MAD1L1: variants seen among roughly 807,000 people sequenced by gnomAD.
The protein encoded by MAD1L1 is mitotic spindle assembly checkpoint protein MAD1.
Under a neutral mutation model 96.9 loss-of-function variants are expected in MAD1L1, and 95 were observed. The observed-to-expected ratio is 0.98, with a 90% CI of 0.83 to 1.16. The LOEUF is 1.16. Among genes scored for constraint, MAD1L1 ranks in the 50% most tolerant of loss-of-function variants. The pLI is 0.00. For synonymous variants in MAD1L1, 473 were observed against 396.6 expected (o/e 1.19, Z -2.29); for missense variants, 1,007 against 954.4 (o/e 1.06, Z -0.73).
At chr7:2,140,645 G>A (rs546861869) in intron 11 of MAD1L1, among the ~76,000 whole-genome samples, 7 of 152,202 alleles carry the variant, frequency 4.6e-5, no homozygotes, top group Non-Finnish European at 8.8e-5. Context: ...CCAGGCCCCC[G>A]CCAGGAGAAA....
At chr7:1,960,508 G>A (rs1779909424) in intron 15 of MAD1L1, among the ~76,000 whole-genome samples, 1 of 152,154 alleles carries the variant, frequency 6.6e-6, no homozygotes, top group African/African-American at 2.4e-5. Context: ...AGCCAGAGAC[G>A]CTACTAATAC....
chr7:2,093,761 C>T (rs763380988), intron 11 of MAD1L1, among the ~76,000 whole-genome samples: 1 of 152,140 alleles, frequency 6.6e-6, no homozygotes, highest in East Asian at 1.9e-4. Flanking sequence ...GGGCAACGCA[C>T]GGGAGAGTCC....
At chr7:2,059,727 G>A (rs1441698377) in intron 12 of MAD1L1, among the ~76,000 whole-genome samples, 3 of 151,896 alleles carry the variant, frequency 2.0e-5, no homozygotes, top group Non-Finnish European at 4.4e-5. Context: ...TGGGGTTGGT[G>A]GGGAAGCATG....
chr7:1,888,381 TATGCGTGTGTGTGC>T lies in MAD1L1; in HGVS notation c.1998+9805_1998+9818del, dbSNP rs1171383399. Among the ~76,000 whole-genome samples the T allele has an allele frequency of 1.9e-3, 281 of 147,682 alleles. 3 individuals carry two copies. The highest frequency in any genetic ancestry group is 6.8e-3 in the African/African-American group (263 of 38,494). ...GCATGCATGCGTGTATGTGGCTGCC[TATGCGTGTGTGTGC>T]ATGCGTGTGGCTGCCTGTGCATGTG... is the stretch of plus-strand genomic sequence containing the variant. On this transcript the variant is annotated intron_variant, in intron 18 of 18. Coordinates refer to ENST00000265854, the MANE Select transcript of MAD1L1 (RefSeq NM_001013836.2).
At chr7:1,969,064 CAG>C (rs752381306) in intron 15 of MAD1L1, among the ~76,000 whole-genome samples, 1 of 152,192 alleles carries the variant, frequency 6.6e-6, no homozygotes, top group Non-Finnish European at 1.5e-5. Flanking sequence ...ATCTGGTAAA[CAG>C]TGTGGCAATT....
intron 11 of MAD1L1, among the ~76,000 whole-genome samples, chr7:2,082,868 A>T (rs374940590): frequency 1.2e-4 from 18 of 152,360 alleles, no homozygotes; most frequent in African/African-American, 4.1e-4. Flanking sequence ...TACCTGGGTA[A>T]TGAAGCACAT....
intron 11 of MAD1L1, among the ~76,000 whole-genome samples, chr7:2,129,343 T>C (rs1331984466): frequency 1.3e-5 from 2 of 152,128 alleles, no homozygotes; most frequent in Admixed American, 6.5e-5. Flanking sequence ...GTGGCAGGTA[T>C]AGAAGAGTAA....
intron 10 of MAD1L1, among the ~76,000 whole-genome samples, chr7:2,179,252 G>A (rs181095809): frequency 3.3e-5 from 5 of 152,262 alleles, no homozygotes; most frequent in Non-Finnish European, 5.9e-5. Flanking sequence ...AGTCTAGACC[G>A]GGCACGGTGG....
intron 10 of MAD1L1, among the ~76,000 whole-genome samples, chr7:2,194,956 T>A (rs1161632052): frequency 6.6e-6 from 1 of 152,010 alleles, no homozygotes; most frequent in Non-Finnish European, 1.5e-5. Context: ...GGCGTGCTGA[T>A]GCGCACCTGT....
intron 17 of MAD1L1, among the ~76,000 whole-genome samples, chr7:1,924,439 C>T (rs1310565994): frequency 6.6e-6 from 1 of 152,178 alleles, no homozygotes; most frequent in African/African-American, 2.4e-5. Flanking sequence ...CTGCAGGTTG[C>T]TCATCAGAAA....
chr7:1,852,814 G>T (rs989651321), intron 18 of MAD1L1, among the ~76,000 whole-genome samples: 4 of 152,106 alleles, frequency 2.6e-5, no homozygotes, highest in African/African-American at 9.7e-5. Flanking sequence ...CCCTCGGGCT[G>T]CCCTCTAAGG....
chr7:1,914,577 G>A (rs1788250680), intron 17 of MAD1L1, among the ~76,000 whole-genome samples: 1 of 152,124 alleles, frequency 6.6e-6, no homozygotes, highest in African/African-American at 2.4e-5. Flanking sequence ...CCAGGGAAAC[G>A]TGTGACTTCC....
At chr7:1,891,942 C>A (rs146107071) in intron 18 of MAD1L1, among the ~76,000 whole-genome samples, 1 of 152,102 alleles carries the variant, frequency 6.6e-6, no homozygotes, top group Non-Finnish European at 1.5e-5. Flanking sequence ...CTAAGTGGTA[C>A]GGCATTTATA....
Position 2,103,303 on chromosome 7 carries a change from C to A in MAD1L1, c.1074-33965G>T, listed in dbSNP as rs541856543. On this transcript the variant is annotated intron_variant, in intron 11 of 18. Transcript: ENST00000265854. The surrounding 1 kb of genome is among the most constrained non-coding windows in gnomAD (Gnocchi z 4.3). Reference sequence around the variant, plus strand: ...TGGCTGCCCCGACGGGCCCTGCACACACAGTCATACCTGCGCTCCTGCACT... The same window carrying A: ...TGGCTGCCCCGACGGGCCCTGCACAAACAGTCATACCTGCGCTCCTGCACT... Among the ~76,000 whole-genome samples the A allele has an allele frequency of 3.9e-5, 6 of 152,278 alleles. No homozygotes were observed. The highest frequency in any genetic ancestry group is 7.4e-5 in the Non-Finnish European group (5 of 68,024).
chr7:2,041,455 C>T (rs11982349), intron 12 of MAD1L1, among the ~76,000 whole-genome samples: 1 of 152,288 alleles, frequency 6.6e-6, no homozygotes, highest in South Asian at 2.1e-4. Flanking sequence ...ATTCATGCTA[C>T]CCAACCCTCT....
chr7:2,125,779 C>T (rs993071994), intron 11 of MAD1L1, among the ~76,000 whole-genome samples: 2 of 152,252 alleles, frequency 1.3e-5, no homozygotes, highest in African/African-American at 4.8e-5. Context: ...TCATTTACCA[C>T]AGCTCTGAAA....
intron 18 of MAD1L1, among the ~76,000 whole-genome samples, chr7:1,819,386 AG>A (rs1377515242): frequency 3.9e-5 from 6 of 152,148 alleles, no homozygotes; most frequent in South Asian, 2.1e-4. Context: ...GGGGAGACTG[AG>A]ACACTCACTC....
chr7:1,855,535 C>T lies in MAD1L1; in HGVS notation c.1999-39307G>A, dbSNP rs541035405. ...TCACACACTCACTTTCCAGAAAACACGGCCCGGGCCCAGCCCAGCCCAGCC... is the reference window on the plus strand; with the variant it reads ...TCACACACTCACTTTCCAGAAAACATGGCCCGGGCCCAGCCCAGCCCAGCC... On this transcript the variant is annotated intron_variant, in intron 18 of 18. Coordinates refer to ENST00000265854, the MANE Select transcript of MAD1L1 (RefSeq NM_001013836.2). 2.1e-4 allele frequency among the ~76,000 whole-genome samples: 32 copies of T among 152,132 alleles called. No homozygotes were observed. The East Asian group carries it at 5.0e-3, about 24-fold the overall frequency.
chr7:1,853,269 C>T (rs929368676), intron 18 of MAD1L1, among the ~76,000 whole-genome samples: 3 of 152,176 alleles, frequency 2.0e-5, no homozygotes, highest in Admixed American at 6.5e-5. Context: ...CCCTCTGTGT[C>T]GGGACAGGCC....
Sources: gnomAD v4.1 joint callset for allele counts (sites outside exome capture counted in the v4.1 genomes callset) on GRCh38, gnomAD v4.1.1 for gene constraint, Gnocchi (gnomAD v3.1) non-coding constraint, MANE v1.5 for transcripts, NCBI Gene and HGNC (gene_info 2026-07-23, HGNC 2026-07-21) for gene names.